Variants in DMGDH observed in about 807,000 individuals in gnomAD.
DMGDH encodes dimethylglycine dehydrogenase.
A neutral mutation model predicts 95.2 loss-of-function variants in DMGDH; 76 were observed. That is an observed-to-expected ratio of 0.80 (90% CI 0.66 to 0.97). The LOEUF (loss-of-function observed/expected upper bound fraction) is 0.97, where lower values mean the gene tolerates loss of function less well. Among genes scored for constraint, DMGDH ranks in the 50% least tolerant of loss-of-function variants. The pLI is 0.00. For synonymous variants in DMGDH, 345 were observed against 377.6 expected, an observed-to-expected ratio of 0.91 and a Z score of 1.00; for missense variants, 987 against 1,055.0, an observed-to-expected ratio of 0.94 and a Z score of 0.89.
In DMGDH at chr5:79,063,747, C is replaced by T. The variant is rs765459915; in HGVS notation, c.142G>A (p.Asp48Asn). 7.4e-6 allele frequency: 12 copies of T among 1,614,086 alleles called. No homozygotes were observed. The highest frequency in any genetic ancestry group is 2.2e-5 in the South Asian group (2 of 91,082). ...PPLSAETQWK[D>N]RAETVIIGGG... ...CCAATTATCACTGTTTCTGCTCTGT[C>T]TTTCCATTGTGTTTCTGCAGATAAG... The change falls in exon 2 of 16, where the codon GAC becomes AAC. Residue 48 changes from aspartate (D) to asparagine (N), a missense_variant. Coordinates refer to ENST00000255189, the MANE Select transcript of DMGDH (RefSeq NM_013391.3).
intron 15 of DMGDH, 127 bp from the exon 16 acceptor site, chr5:78,998,424 G>A: frequency 1.2e-6 from 1 of 839,984 alleles, no homozygotes; most frequent in Non-Finnish European, 2.0e-6. Flanking sequence ...TGCTGTCTGG[G>A]GGGACAACGC....
At chr5:79,044,235 A>C in intron 6 of DMGDH, 69 bp downstream of exon 6, 1 of 1,608,476 alleles carries the variant, frequency 6.2e-7, no homozygotes, top group East Asian at 2.2e-5. Context: ...TTCTACAGCC[A>C]TCCTCCAGCC....
chr5:79,049,806 T>G (rs1259845429), intron 5 of DMGDH, among the ~76,000 whole-genome samples: 4 of 152,200 alleles, frequency 2.6e-5, no homozygotes, highest in Non-Finnish European at 4.4e-5. Flanking sequence ...TATTTTATAT[T>G]ATTGCAAATT....
chr5:79,053,559 C>T (rs1754930001), intron 4 of DMGDH, among the ~76,000 whole-genome samples: 1 of 149,746 alleles, frequency 6.7e-6, no homozygotes, highest in Admixed American at 6.6e-5. Flanking sequence ...TGAAATTATG[C>T]ATGTAAGGAC....
At chr5:79,036,736 C>T (rs887895793) in intron 7 of DMGDH, among the ~76,000 whole-genome samples, 5 of 152,260 alleles carry the variant, frequency 3.3e-5, no homozygotes, top group African/African-American at 7.2e-5. Context: ...GGCCCCTCTC[C>T]GGACCACTAA....
At chr5:79,058,053 T>C (rs1293983024) in intron 2 of DMGDH, among the ~76,000 whole-genome samples, 5 of 152,248 alleles carry the variant, frequency 3.3e-5, no homozygotes, top group African/African-American at 1.2e-4. Flanking sequence ...CAATGTACTT[T>C]GTGTAGGTAA....
chr5:79,042,793 T>C (rs1754551616), intron 6 of DMGDH, among the ~76,000 whole-genome samples: 1 of 152,140 alleles, frequency 6.6e-6, no homozygotes. Flanking sequence ...AACTATAATT[T>C]GGTTTGTCAA....
chr5:79,029,069 C>T (rs928060257), intron 11 of DMGDH, among the ~76,000 whole-genome samples: 1 of 152,172 alleles, frequency 6.6e-6, no homozygotes, highest in East Asian at 1.9e-4. Flanking sequence ...CCACAAGACA[C>T]GTAATTGCTC....
intron 9 of DMGDH, among the ~76,000 whole-genome samples, chr5:79,031,996 T>C (rs1295957420): frequency 6.6e-6 from 1 of 152,186 alleles, no homozygotes; most frequent in East Asian, 1.9e-4. Context: ...GCAAAACCTA[T>C]TGTAAAAAGC....
intron 1 of DMGDH, among the ~76,000 whole-genome samples, chr5:79,067,028 T>C (rs1412499485): frequency 6.6e-6 from 1 of 152,224 alleles, no homozygotes; most frequent in Non-Finnish European, 1.5e-5. Context: ...TTGTTTATAT[T>C]AACATGAATT....
intron 12 of DMGDH, 23 bp downstream of exon 12, chr5:79,028,410 T>G: frequency 6.4e-7 from 1 of 1,569,528 alleles, no homozygotes; most frequent in Non-Finnish European, 8.8e-7. Flanking sequence ...AGAGACTTAG[T>G]CCAGGTTGTT....
chr5:79,032,644 AC>A, intron 9 of DMGDH, 42 bp downstream of exon 9: 1 of 1,613,454 alleles, frequency 6.2e-7, no homozygotes, highest in Non-Finnish European at 8.5e-7. Flanking sequence ...CCGTTGTTTC[AC>A]CCCTCGGTCA....
At chr5:79,055,114 G>A (rs1272558343) in intron 3 of DMGDH, among the ~76,000 whole-genome samples, 1 of 152,218 alleles carries the variant, frequency 6.6e-6, no homozygotes, top group African/African-American at 2.4e-5. Flanking sequence ...AAAAAGCAGT[G>A]ATTTGAGAGA....
At chr5:79,060,833 A>G (rs1755182881) in intron 2 of DMGDH, among the ~76,000 whole-genome samples, 1 of 151,184 alleles carries the variant, frequency 6.6e-6, no homozygotes, top group African/African-American at 2.4e-5. Flanking sequence ...GCAGAGAATC[A>G]CTTGAACCCA....
intron 14 of DMGDH, among the ~76,000 whole-genome samples, chr5:79,007,270 G>T (rs2112601138): frequency 6.6e-6 from 1 of 152,250 alleles, no homozygotes; most frequent in South Asian, 2.1e-4. Flanking sequence ...TTTAAGCTGT[G>T]GAGGTCCACT....
At chr5:79,052,718 T>C (rs1754905195) in intron 4 of DMGDH, among the ~76,000 whole-genome samples, 1 of 152,228 alleles carries the variant, frequency 6.6e-6, no homozygotes. Context: ...GCATTCAGGA[T>C]TGACATATAA....
chr5:79,045,194 T>G (rs1399411728), intron 5 of DMGDH, among the ~76,000 whole-genome samples: 1 of 152,180 alleles, frequency 6.6e-6, no homozygotes, highest in African/African-American at 2.4e-5. Flanking sequence ...TGTAAGATCC[T>G]TTATTGTAAA....
intron 11 of DMGDH, 143 bp from the exon 12 acceptor site, chr5:79,028,793 T>C: frequency 1.1e-6 from 1 of 947,570 alleles, no homozygotes; most frequent in Non-Finnish European, 1.6e-6. Flanking sequence ...CACTGATTTT[T>C]AAAGTTGAGG....
At chr5:79,025,086 T>G (rs1753962991) in intron 13 of DMGDH, among the ~76,000 whole-genome samples, 4 of 152,220 alleles carry the variant, frequency 2.6e-5, no homozygotes, top group Admixed American at 2.6e-4. Flanking sequence ...TATATTTATC[T>G]GTTCAAAATT....
Sources: gnomAD v4.1 joint callset for allele counts (sites outside exome capture counted in the v4.1 genomes callset) on GRCh38, gnomAD v4.1.1 for gene constraint, MANE v1.5 for transcripts, NCBI Gene and HGNC (gene_info 2026-07-23, HGNC 2026-07-21) for gene names.